Variants in SPTLC3 observed in about 807,000 individuals in gnomAD.
SPTLC3 encodes serine palmitoyltransferase long chain base subunit 3.
SPTLC3 carries 36 observed loss-of-function variants against 59.3 expected under a neutral mutation model. The observed-to-expected ratio is 0.61, with a 90% CI of 0.47 to 0.80. SPTLC3 has a LOEUF of 0.80. Ranked by LOEUF, SPTLC3 falls within the 30% of genes least tolerant of loss-of-function variation. The probability of loss-of-function intolerance (pLI) is 0.00; values close to 1 mark genes in which losing one functional copy is unlikely to be tolerated. For missense variants in SPTLC3, 625 were observed against 685.1 expected (o/e 0.91, Z 0.98); for synonymous variants, 257 against 240.8 (o/e 1.07, Z -0.62).
chr20:13,133,578 A>G (rs1348633398), intron 9 of SPTLC3, among the ~76,000 whole-genome samples: 1 of 152,160 alleles, frequency 6.6e-6, no homozygotes, highest in Non-Finnish European at 1.5e-5. Context: ...TACTAAAAAT[A>G]CAAAAATTAG....
At chr20:13,035,915 A>T (rs75089724) in intron 1 of SPTLC3, among the ~76,000 whole-genome samples, 6,881 of 152,298 alleles carry the variant, frequency 0.045, 216 homozygotes, top group South Asian at 0.082. Context: ...GTTGTATTAT[A>T]TGCCCTTCCA....
chr20:13,133,502 G>A, intron 9 of SPTLC3, among the ~76,000 whole-genome samples: 1 of 152,208 alleles, frequency 6.6e-6, no homozygotes, highest in East Asian at 1.9e-4. Flanking sequence ...GGGAGGCTGT[G>A]GTGAGTGGAT....
intron 7 of SPTLC3, among the ~76,000 whole-genome samples, chr20:13,112,980 C>T (rs1213832563): frequency 6.6e-6 from 1 of 152,026 alleles, no homozygotes; most frequent in Non-Finnish European, 1.5e-5. Context: ...GTTAGGAGTT[C>T]GAGACCAGCC....
intron 9 of SPTLC3, among the ~76,000 whole-genome samples, chr20:13,144,330 C>A (rs1488952710): frequency 6.6e-6 from 1 of 152,160 alleles, no homozygotes; most frequent in Non-Finnish European, 1.5e-5. Context: ...TTTAATCTTC[C>A]ACTGAACACA....
intron 7 of SPTLC3, among the ~76,000 whole-genome samples, chr20:13,111,345 G>A (rs1366729966): frequency 1.3e-5 from 2 of 152,142 alleles, no homozygotes; most frequent in Non-Finnish European, 2.9e-5. Flanking sequence ...TCCAGGGTGA[G>A]CTTGTCCTTG....
chr20:13,055,484 T>G (rs938176920), intron 2 of SPTLC3, among the ~76,000 whole-genome samples: 1 of 152,054 alleles, frequency 6.6e-6, no homozygotes, highest in Non-Finnish European at 1.5e-5. Context: ...AACTAATGCA[T>G]AATAAATCAG....
At chr20:13,095,731 A>G (rs1989387568) in intron 6 of SPTLC3, among the ~76,000 whole-genome samples, 1 of 152,004 alleles carries the variant, frequency 6.6e-6, no homozygotes, top group Non-Finnish European at 1.5e-5. Flanking sequence ...AACCTCCTTT[A>G]ATCTAAGCTG....
intron 4 of SPTLC3, among the ~76,000 whole-genome samples, chr20:13,088,784 A>ATTTTTTTTTTTTTTT (rs375680092): frequency 8.0e-5 from 9 of 111,848 alleles, no homozygotes; most frequent in African/African-American, 2.2e-4. Flanking sequence ...GCACCCGGCT[A>ATTTTTTTTTTTTTTT]TTTTTTTTTT....
intron 1 of SPTLC3, among the ~76,000 whole-genome samples, chr20:13,012,972 T>A (rs1001079149): frequency 1.3e-5 from 2 of 152,094 alleles, no homozygotes; most frequent in Non-Finnish European, 2.9e-5. Flanking sequence ...ACTCCAGAGA[T>A]GAATGTAGGA....
chr20:13,021,602 T>C (rs75110283), intron 1 of SPTLC3, among the ~76,000 whole-genome samples: 4,457 of 122,768 alleles, frequency 0.036, 233 homozygotes, highest in African/African-American at 0.13. Flanking sequence ...TTCTTGTCAG[T>C]GTAACTGCAT....
intron 10 of SPTLC3, among the ~76,000 whole-genome samples, chr20:13,157,653 C>CACT (rs1264973036): frequency 6.6e-6 from 1 of 151,208 alleles, no homozygotes; most frequent in Non-Finnish European, 1.5e-5. Flanking sequence ...AGGCAACAAT[C>CACT]ACTACAAACA....
chr20:13,134,875 A>G (rs1415069196), intron 9 of SPTLC3, among the ~76,000 whole-genome samples: 1 of 152,222 alleles, frequency 6.6e-6, no homozygotes, highest in Non-Finnish European at 1.5e-5. Flanking sequence ...TGTTTAAACC[A>G]AAACATCAAC....
intron 1 of SPTLC3, among the ~76,000 whole-genome samples, chr20:13,044,175 C>T (rs1385376458): frequency 6.6e-6 from 1 of 151,046 alleles, no homozygotes; most frequent in Non-Finnish European, 1.5e-5. Context: ...TCTTGGCTCA[C>T]TTCAACCTCT....
intron 1 of SPTLC3, among the ~76,000 whole-genome samples, chr20:13,025,677 A>G (rs1986106455): frequency 6.6e-6 from 1 of 152,198 alleles, no homozygotes. Flanking sequence ...TTGGTGAAAC[A>G]GTGCCAGAAT....
At chr20:13,123,685 C>T (rs1407342733) in intron 8 of SPTLC3, among the ~76,000 whole-genome samples, 1 of 152,188 alleles carries the variant, frequency 6.6e-6, no homozygotes, top group South Asian at 2.1e-4. Flanking sequence ...CCATTCTATG[C>T]CCATAAGATG....
chr20:13,136,455 A>G (rs915664509), intron 9 of SPTLC3, among the ~76,000 whole-genome samples: 3 of 151,800 alleles, frequency 2.0e-5, no homozygotes, highest in Admixed American at 6.6e-5. Context: ...AAAAAATTAG[A>G]TGGCGGTGGT....
chr20:13,054,177 A>G (rs956414799), intron 2 of SPTLC3, among the ~76,000 whole-genome samples: 2 of 152,226 alleles, frequency 1.3e-5, no homozygotes, highest in Non-Finnish European at 2.9e-5. Context: ...TCAAGGAACC[A>G]CGGAATTCCA....
At chr20:13,141,261 A>G (rs376062688) in intron 9 of SPTLC3, among the ~76,000 whole-genome samples, 14 of 152,330 alleles carry the variant, frequency 9.2e-5, no homozygotes, top group African/African-American at 3.4e-4. Flanking sequence ...TACACTATCC[A>G]TTCACATCCT....
chr20:13,017,600 T>G (rs952766893), intron 1 of SPTLC3, among the ~76,000 whole-genome samples: 1 of 152,222 alleles, frequency 6.6e-6, no homozygotes, highest in Admixed American at 6.5e-5. Flanking sequence ...TAAACTTTCT[T>G]AAAACATTAT....
Sources: allele counts gnomAD v4.1 joint callset (sites outside exome capture counted in the v4.1 genomes callset), GRCh38; gene constraint gnomAD v4.1.1; transcripts MANE v1.5; gene names NCBI Gene and HGNC (gene_info 2026-07-23, HGNC 2026-07-21).